ALKBH8: variants seen among roughly 807,000 people sequenced by gnomAD.
ALKBH8 encodes the protein alkB homolog 8, tRNA methyltransferase, also known as tRNA (carboxymethyluridine(34)-5-O)-methyltransferase ALKBH8.
A neutral mutation model predicts 59.8 loss-of-function variants in ALKBH8; 36 were observed. The observed-to-expected ratio is 0.60, with a 90% CI of 0.46 to 0.79. ALKBH8 has a LOEUF of 0.79. Ranked by LOEUF, ALKBH8 falls within the 30% of genes least tolerant of loss-of-function variation. The probability of loss-of-function intolerance (pLI) is 0.00; values close to 1 mark genes in which losing one functional copy is unlikely to be tolerated. For synonymous variants in ALKBH8, 276 were observed against 273.6 expected (o/e 1.01, Z -0.09); for missense variants, 768 against 801.0 (o/e 0.96, Z 0.50).
chr11:107,506,855 A>C (rs1591238358), intron 11 of ALKBH8, among the ~76,000 whole-genome samples: 2 of 152,192 alleles, frequency 1.3e-5, no homozygotes, highest in South Asian at 2.1e-4. Context: ...GGAGAAAAGG[A>C]AGAATACCAG....
intron 2 of ALKBH8, among the ~76,000 whole-genome samples, chr11:107,557,452 C>T (rs1050495852): frequency 5.3e-5 from 8 of 152,008 alleles, no homozygotes; most frequent in Non-Finnish European, 1.2e-4. Flanking sequence ...TAATATCAGC[C>T]CAATTTCATA....
chr11:107,551,937 A>G, intron 5 of ALKBH8, 25 bp from the exon 6 acceptor site: 1 of 1,302,458 alleles, frequency 7.7e-7, no homozygotes, highest in Non-Finnish European at 1.0e-6. Context: ...CATAAAGACA[A>G]AACATTAAAA....
chr11:107,527,983 A>C (rs576691801), intron 8 of ALKBH8, among the ~76,000 whole-genome samples: 2 of 152,202 alleles, frequency 1.3e-5, no homozygotes, highest in South Asian at 4.1e-4. Context: ...GCAATGAAGA[A>C]GTTCCCTTCT....
Position 107,556,796 on chromosome 11 carries a change from T to C in ALKBH8, c.337A>G (p.Ile113Val), listed in dbSNP as rs772134820. ...KEVVDDLGQK[I>V]TLYLNFVEKV... ...TCCACAAAATTCAAATACAGAGTGA[T>C]CTTTTGTCCTAAATCATCCACTACT... Residue 113 changes from isoleucine to valine, a missense_variant, in exon 3 of 12, where the codon ATC becomes GTC. Transcript: ENST00000428149. The C allele has an allele frequency of 7.0e-7, 1 of 1,418,622 alleles. No individual in the cohort carries two copies. Among genetic ancestry groups the C allele is most frequent in the Non-Finnish European group, 9.3e-7 (1 of 1,076,762 alleles). 87.9% of individuals were successfully genotyped at this position (1,418,622 alleles called of 1,614,324 possible). A position where few individuals can be genotyped will look rare whatever the true frequency, so the allele number is the denominator to read the frequency against.
At chr11:107,543,676 T>C (rs984208491) in intron 7 of ALKBH8, among the ~76,000 whole-genome samples, 8 of 152,034 alleles carry the variant, frequency 5.3e-5, no homozygotes, top group Non-Finnish European at 1.0e-4. Context: ...TAATTTAATA[T>C]TACATAAATG....
At chr11:107,511,889 T>C (rs1048290824) in intron 10 of ALKBH8, among the ~76,000 whole-genome samples, 1 of 151,638 alleles carries the variant, frequency 6.6e-6, no homozygotes, top group Admixed American at 6.6e-5. Flanking sequence ...TTTTTTTTTA[T>C]TTTTTAAAGC....
intron 9 of ALKBH8, among the ~76,000 whole-genome samples, chr11:107,524,428 A>C (rs1863265048): frequency 6.6e-6 from 1 of 152,192 alleles, no homozygotes. Flanking sequence ...TCTTACATTT[A>C]ATAAATGCCC....
intron 1 of ALKBH8, among the ~76,000 whole-genome samples, chr11:107,561,110 G>T (rs1289119909): frequency 2.0e-5 from 3 of 152,088 alleles, no homozygotes; most frequent in Non-Finnish European, 2.9e-5. Context: ...TAGCTCTGAT[G>T]GTTCTAAAAA....
intron 8 of ALKBH8, among the ~76,000 whole-genome samples, chr11:107,526,971 T>C (rs1191010761): frequency 6.6e-6 from 1 of 152,020 alleles, no homozygotes; most frequent in Admixed American, 6.6e-5. Flanking sequence ...TATATAGCCA[T>C]ATAGTAAGTC....
intron 1 of ALKBH8, among the ~76,000 whole-genome samples, chr11:107,564,847 A>G (rs568276805): frequency 8.5e-5 from 13 of 152,342 alleles, no homozygotes; most frequent in Admixed American, 7.2e-4. Context: ...TGTAGCACCC[A>G]GCACTTAAAC....
At chr11:107,551,717 T>G (rs867025514) in intron 6 of ALKBH8, 91 bp downstream of exon 6, 1 of 371,400 alleles carries the variant, frequency 2.7e-6, no homozygotes, top group East Asian at 6.5e-5. Flanking sequence ...ATAATAATAA[T>G]AATAATAATA....
At chr11:107,514,774 GATAGCT>G (rs913400925) in intron 10 of ALKBH8, among the ~76,000 whole-genome samples, 43 of 152,040 alleles carry the variant, frequency 2.8e-4, no homozygotes, top group African/African-American at 9.9e-4. Flanking sequence ...AACTCTGAAA[GATAGCT>G]ATACCTTGCT....
chr11:107,518,560 C>A (rs995685092), intron 10 of ALKBH8, among the ~76,000 whole-genome samples: 1 of 152,262 alleles, frequency 6.6e-6, no homozygotes, highest in Non-Finnish European at 1.5e-5. Flanking sequence ...AAACACCTGG[C>A]CCGCCCAGGG....
intron 8 of ALKBH8, among the ~76,000 whole-genome samples, chr11:107,527,304 A>G (rs1863395136): frequency 6.6e-6 from 1 of 151,988 alleles, no homozygotes; most frequent in African/African-American, 2.4e-5. Flanking sequence ...TGGGCTTCAT[A>G]TTCGCAGGGA....
intron 7 of ALKBH8, among the ~76,000 whole-genome samples, chr11:107,543,344 A>G (rs1864124566): frequency 6.6e-6 from 1 of 152,204 alleles, no homozygotes; most frequent in Admixed American, 6.5e-5. Context: ...CAAAAAAAAA[A>G]GAAGAATGTT....
At chr11:107,561,970 T>C (rs1591334638) in intron 1 of ALKBH8, among the ~76,000 whole-genome samples, 5 of 152,320 alleles carry the variant, frequency 3.3e-5, no homozygotes, top group African/African-American at 1.2e-4. Context: ...TTAATGCTGA[T>C]GGTACAGTCT....
chr11:107,505,284 T>C, intron 11 of ALKBH8, 69 bp from the exon 12 acceptor site: 1 of 1,213,732 alleles, frequency 8.2e-7, no homozygotes, highest in Non-Finnish European at 1.1e-6. Flanking sequence ...AAACTGACCA[T>C]AGGACTGTTT....
intron 7 of ALKBH8, among the ~76,000 whole-genome samples, chr11:107,535,331 T>C (rs61908194): frequency 0.2 from 30,666 of 152,180 alleles, 3,871 homozygotes; most frequent in South Asian, 0.37. Context: ...AATCTCCACA[T>C]TGTTTTCCAA....
intron 7 of ALKBH8, among the ~76,000 whole-genome samples, chr11:107,549,185 A>G (rs751401284): frequency 6.6e-6 from 1 of 152,158 alleles, no homozygotes; most frequent in African/African-American, 2.4e-5. Flanking sequence ...ATCTGCTTGT[A>G]GGTTGCGTGG....
Sources: gnomAD v4.1 joint callset for allele counts (sites outside exome capture counted in the v4.1 genomes callset) on GRCh38, gnomAD v4.1.1 for gene constraint, MANE v1.5 for transcripts, NCBI Gene and HGNC (gene_info 2026-07-23, HGNC 2026-07-21) for gene names.